VAPB: variants seen among roughly 807,000 people sequenced by gnomAD.
VAPB encodes VAMP associated protein B and C.
Under a neutral mutation model 25.6 loss-of-function variants are expected in VAPB, and 7 were observed. The observed-to-expected ratio is 0.27, with a 90% CI of 0.16 to 0.51. The LOEUF is 0.51. VAPB is among the 20% of genes least tolerant of loss of function. VAPB has a pLI of 0.97. For missense variants in VAPB, 266 were observed against 301.3 expected, an observed-to-expected ratio of 0.88 and a Z score of 0.87; for synonymous variants, 112 against 109.2, an observed-to-expected ratio of 1.03 and a Z score of -0.16.
Position 58,430,557 on chromosome 20 carries a change from G to A in VAPB, c.212-4045G>A, listed in dbSNP as rs1314609735. On this transcript the variant is annotated intron_variant, in intron 2 of 5. Coordinates refer to ENST00000475243, the MANE Select transcript of VAPB (RefSeq NM_004738.5). Reference sequence around the variant, plus strand: ...TTACAGCCATGAGCTGCTGTGCCTGGCCTGCAAATTTCATTTTTCTTTTTT... The same window carrying A: ...TTACAGCCATGAGCTGCTGTGCCTGACCTGCAAATTTCATTTTTCTTTTTT... 3.9e-5 allele frequency among the ~76,000 whole-genome samples: 6 copies of A among 151,930 alleles called. No individual in the cohort carries two copies. The East Asian group carries it at 9.7e-4, about 25-fold the overall frequency.
chr20:58,409,914 C>T (rs905820154), intron 1 of VAPB, among the ~76,000 whole-genome samples: 1 of 151,054 alleles, frequency 6.6e-6, no homozygotes, highest in Non-Finnish European at 1.5e-5. Flanking sequence ...TACACACACA[C>T]ACACACACAC....
At chr20:58,394,927 G>C (rs1230512198) in intron 1 of VAPB, among the ~76,000 whole-genome samples, 1 of 152,142 alleles carries the variant, frequency 6.6e-6, no homozygotes, top group Non-Finnish European at 1.5e-5. Context: ...ACTCTTAAAC[G>C]TTAACACTAT....
rs774039526 is a variant in VAPB, at chr20:58,449,443, ATTT to A, written c.*5215_*5217del. On this transcript the variant is annotated 3_prime_UTR_variant, in exon 6 of 6. Transcript: ENST00000475243. ...GTCTTCATGAATATAATTACTTGAG[ATTT>A]TTTTTTCTTAATGGAATTAGTTTAT... 2.2e-6 allele frequency: 1 copy of A among 449,296 alleles called. No homozygotes were observed. The highest frequency in any genetic ancestry group is 7.0e-5 in the East Asian group (1 of 14,360). The allele number at this position is 449,296 out of a possible 1,614,324, so 27.8% of individuals were successfully genotyped here.
At position 58,448,022 on chromosome 20, in the gene VAPB, G is replaced by T. The variant is rs1413594884; in HGVS notation, c.*3787G>T. ...CTCGTGGCTTTCCCTGCCCCCGGCT[G>T]TCTGGCCTGAAGAAGGAGAAAGAAC... On this transcript the variant is annotated 3_prime_UTR_variant, in exon 6 of 6. Transcript: ENST00000475243. The T allele has an allele frequency of 8.8e-6, 4 of 453,980 alleles. No individual in the cohort carries two copies. Among genetic ancestry groups the T allele is most frequent in the Non-Finnish European group, 1.8e-5 (4 of 226,768 alleles). 28.1% of individuals were successfully genotyped at this position (453,980 alleles called of 1,614,324 possible).
In VAPB at chr20:58,405,814, G is replaced by A. The variant is rs185733709; in HGVS notation, c.59-12397G>A. Among the ~76,000 whole-genome samples, 859 of 141,096 alleles carry A rather than the reference G, an allele frequency of 6.1e-3. 15 individuals carry two copies. The highest frequency in any genetic ancestry group is 8.7e-3 in the Non-Finnish European group (576 of 66,212). 92.6% of individuals were successfully genotyped at this position (141,096 alleles called of 152,430 possible). On this transcript the variant is annotated intron_variant, in intron 1 of 5. Coordinates refer to ENST00000475243, the MANE Select transcript of VAPB (RefSeq NM_004738.5). ...TGCCCAGGCTGGAGTGCAGTGGTGC[G>A]ATCTCACTCGGCTCACTGTAACCTC...
chr20:58,435,469 C>T (rs1308011926), intron 3 of VAPB, among the ~76,000 whole-genome samples: 2 of 152,170 alleles, frequency 1.3e-5, no homozygotes, highest in African/African-American at 4.8e-5. Flanking sequence ...TGCCTCATAC[C>T]ACTTGCATTG....
At position 58,447,748 on chromosome 20, in the gene VAPB, A is replaced by G. The variant is rs886920936; in HGVS notation, c.*3513A>G. ...AAATCGTGCCTATATTTTTTTGCAT[A>G]CACAAATTTTTGTGTTTGCAAACTC... On this transcript the variant is annotated 3_prime_UTR_variant, in exon 6 of 6. Transcript: ENST00000475243. 12 of 453,658 alleles carry G rather than the reference A, an allele frequency of 2.6e-5. No homozygotes were observed. The highest frequency in any genetic ancestry group is 4.7e-5 in the Admixed American group (2 of 42,542). The allele number at this position is 453,658 out of a possible 1,614,324, so 28.1% of individuals were successfully genotyped here.
chr20:58,396,560 A>G (rs1987963542), intron 1 of VAPB, among the ~76,000 whole-genome samples: 1 of 152,180 alleles, frequency 6.6e-6, no homozygotes, highest in South Asian at 2.1e-4. Flanking sequence ...AGTTGTCTTG[A>G]AAGGCTGAAG....
intron 1 of VAPB, among the ~76,000 whole-genome samples, chr20:58,406,590 T>TC (rs1988234837): frequency 2.0e-5 from 3 of 152,230 alleles, no homozygotes; most frequent in African/African-American, 7.2e-5. Flanking sequence ...CTAAACTTGT[T>TC]CTTCTCCCCT....
intron 2 of VAPB, among the ~76,000 whole-genome samples, chr20:58,428,507 C>G (rs1988857340): frequency 6.6e-6 from 1 of 152,076 alleles, no homozygotes; most frequent in Admixed American, 6.5e-5. Flanking sequence ...GAAGATGCAG[C>G]TGGGCACAGT....
At chr20:58,406,570 G>A (rs185991975) in intron 1 of VAPB, among the ~76,000 whole-genome samples, 1 of 152,308 alleles carries the variant, frequency 6.6e-6, no homozygotes, top group African/African-American at 2.4e-5. Flanking sequence ...GATCATCAAG[G>A]TGCAGAATGC....
At chr20:58,418,392 G>C in intron 2 of VAPB, 29 bp downstream of exon 2, 1 of 1,612,686 alleles carries the variant, frequency 6.2e-7, no homozygotes, top group Non-Finnish European at 8.5e-7. Flanking sequence ...GGCCTAGAGG[G>C]TGGGCTCAGA....
intron 1 of VAPB, among the ~76,000 whole-genome samples, chr20:58,410,301 A>G (rs892218110): frequency 6.6e-6 from 1 of 152,222 alleles, no homozygotes; most frequent in Non-Finnish European, 1.5e-5. Context: ...ACAAATGTAT[A>G]ATGACATGTA....
chr20:58,418,398 T>C, intron 2 of VAPB, 35 bp downstream of exon 2: 1 of 1,612,230 alleles, frequency 6.2e-7, no homozygotes, highest in African/African-American at 1.3e-5. Flanking sequence ...GAGGGTGGGC[T>C]CAGAAGGCCC....
At chr20:58,402,462 T>C (rs1988119673) in intron 1 of VAPB, among the ~76,000 whole-genome samples, 1 of 152,156 alleles carries the variant, frequency 6.6e-6, no homozygotes. Flanking sequence ...TTCACTCACA[T>C]TGTATCTGTT....
At chr20:58,394,443 C>G (rs867138067) in intron 1 of VAPB, among the ~76,000 whole-genome samples, 2 of 152,362 alleles carry the variant, frequency 1.3e-5, no homozygotes, top group Middle Eastern at 3.4e-3. Flanking sequence ...CTTAACACTT[C>G]ATGATCACGT....
In VAPB at chr20:58,448,887, C is replaced by T; in HGVS notation, c.*4652C>T. ...AAAGAATATTGCCAGTCCGTCTCGG[C>T]AAGGAGATGATGGGAGCGCTTTATA... On this transcript the variant is annotated 3_prime_UTR_variant, in exon 6 of 6. Coordinates refer to ENST00000475243, the MANE Select transcript of VAPB (RefSeq NM_004738.5). The T allele has an allele frequency of 2.2e-6, 1 of 453,978 alleles. No homozygotes were observed. The highest frequency in any genetic ancestry group is 1.6e-5 in the South Asian group (1 of 64,468). 28.1% of individuals were successfully genotyped at this position (453,978 alleles called of 1,614,324 possible). A position where few individuals can be genotyped will look rare whatever the true frequency, so the allele number is the denominator to read the frequency against.
intron 3 of VAPB, among the ~76,000 whole-genome samples, chr20:58,438,527 C>T (rs767983163): frequency 6.6e-6 from 1 of 152,242 alleles, no homozygotes; most frequent in South Asian, 2.1e-4. Flanking sequence ...AGTCCCTCCA[C>T]CTCAGCCTCC....
At chr20:58,398,196 A>C (rs557615690) in intron 1 of VAPB, among the ~76,000 whole-genome samples, 1 of 152,244 alleles carries the variant, frequency 6.6e-6, no homozygotes, top group Non-Finnish European at 1.5e-5. Context: ...AAAGTATTGA[A>C]TATCTCATGT....
Sources: gnomAD v4.1 joint callset for allele counts (sites outside exome capture counted in the v4.1 genomes callset) on GRCh38, gnomAD v4.1.1 for gene constraint, MANE v1.5 for transcripts, NCBI Gene and HGNC (gene_info 2026-07-23, HGNC 2026-07-21) for gene names.